The following RAB3GAP2 variants were observed in gnomAD, a reference collection of about 807,000 sequenced individuals.
The protein encoded by RAB3GAP2 is rab3 GTPase-activating protein non-catalytic subunit.
A neutral mutation model predicts 185.3 loss-of-function variants in RAB3GAP2; 87 were observed. The observed-to-expected ratio is 0.47, with a 90% CI of 0.39 to 0.56. The LOEUF (loss-of-function observed/expected upper bound fraction) is 0.56. RAB3GAP2 is among the 20% of genes least tolerant of loss of function. RAB3GAP2 has a pLI of 0.00. For synonymous variants in RAB3GAP2, 554 were observed against 576.1 expected, an observed-to-expected ratio of 0.96 and a Z score of 0.55; for missense variants, 1,492 against 1,638.2, an observed-to-expected ratio of 0.91 and a Z score of 1.54.
chr1:220,163,740 C>CATACATACATATAT (rs1658008538), intron 27 of RAB3GAP2, among the ~76,000 whole-genome samples: 1 of 90,160 alleles, frequency 1.1e-5, no homozygotes. Flanking sequence ...TATATAAATA[C>CATACATACATATAT]ATACATATAT....
chr1:220,267,877 C>G (rs1660256866), intron 1 of RAB3GAP2: 1 of 862,412 alleles, frequency 1.2e-6, no homozygotes, highest in African/African-American at 1.7e-5. Flanking sequence ...GTTTTAGCCT[C>G]AACAGGCCCT....
intron 1 of RAB3GAP2, chr1:220,253,528 C>T (rs1187350962): frequency 2.2e-5 from 27 of 1,237,574 alleles, no homozygotes; most frequent in Middle Eastern, 2.6e-4. Flanking sequence ...GGGCGGTAGT[C>T]GGGGGTGGTG....
chr1:220,254,952 C>CTTTTTTTT (rs59174009), intron 1 of RAB3GAP2, among the ~76,000 whole-genome samples: 1 of 131,524 alleles, frequency 7.6e-6, no homozygotes, highest in African/African-American at 2.7e-5. Context: ...TCCATTTGTG[C>CTTTTTTTT]TTTTTTTTTT....
chr1:220,193,657 C>T (rs1468921357), intron 12 of RAB3GAP2, among the ~76,000 whole-genome samples: 1 of 152,146 alleles, frequency 6.6e-6, no homozygotes, highest in Non-Finnish European at 1.5e-5. Flanking sequence ...GATTAAAAGG[C>T]ATGTCACAGA....
rs1388541354 is a variant in RAB3GAP2, at chr1:220,172,642, A to C, written c.2411T>G (p.Met804Arg). The C allele has an allele frequency of 6.2e-7, 1 of 1,603,952 alleles. No individual in the cohort carries two copies. The highest frequency in any genetic ancestry group is 1.7e-5 in the Admixed American group (1 of 60,000). The change falls in exon 22 of 35, where the codon ATG becomes AGG. Residue 804 changes from methionine (M) to arginine (R), a missense_variant. Transcript: ENST00000358951. ...LHTMLSLLSK[M>R]KVAIDETWDS... ...GAGCAACAAACTTTGTTTACCTTTC[A>C]TCTTGCTCAGGAGGGACAGCATGGT...
intron 1 of RAB3GAP2, chr1:220,266,319 T>C (rs1660225451): frequency 9.8e-6 from 3 of 307,528 alleles, no homozygotes; most frequent in South Asian, 4.2e-5. Flanking sequence ...ACTCAGGTAC[T>C]TGGAAGGTTA....
At chr1:220,272,171 C>T in intron 1 of RAB3GAP2, 52 bp downstream of exon 1, 1 of 1,474,646 alleles carries the variant, frequency 6.8e-7, no homozygotes, top group Admixed American at 1.9e-5. Flanking sequence ...AACCCGTGAG[C>T]AGAGGCCGCG....
chr1:220,217,501 A>G (rs1659221104), intron 2 of RAB3GAP2, among the ~76,000 whole-genome samples: 1 of 151,906 alleles, frequency 6.6e-6, no homozygotes, highest in Non-Finnish European at 1.5e-5. Flanking sequence ...CCTTCTTTCA[A>G]ACTTACTGCA....
intron 31 of RAB3GAP2, 149 bp downstream of exon 31, chr1:220,157,121 G>A (rs979175297): frequency 1.2e-5 from 9 of 739,750 alleles, no homozygotes; most frequent in East Asian, 2.7e-5. Context: ...TAAAAAGAAC[G>A]GAATCAAGCA....
chr1:220,151,863 TG>T, intron 33 of RAB3GAP2, 99 bp from the exon 34 acceptor site: 1 of 1,267,438 alleles, frequency 7.9e-7, no homozygotes, highest in East Asian at 2.3e-5. Flanking sequence ...AGTTGATTTT[TG>T]AACTGTGGCC....
chr1:220,171,183 G>C lies in RAB3GAP2; in HGVS notation c.2578-63C>G, dbSNP rs1397955001. ...TCTGAATCAATATTAACTTGAATGA[G>C]CTTTTAACTTGAAAGCTGATGGATA... On this transcript the variant is annotated intron_variant, in intron 23 of 34. Transcript: ENST00000358951. The C allele has an allele frequency of 4.2e-6, 6 of 1,444,132 alleles. No individual in the cohort carries two copies. In the East Asian group the frequency reaches 1.1e-4, roughly 28 times the overall value. The allele number at this position is 1,444,132 out of a possible 1,614,324, so 89.5% of individuals were successfully genotyped here.
intron 17 of RAB3GAP2, among the ~76,000 whole-genome samples, chr1:220,187,356 C>A (rs983438260): frequency 6.6e-6 from 1 of 152,086 alleles, no homozygotes; most frequent in South Asian, 2.1e-4. Context: ...GTCTTTGACC[C>A]CCCATTTCTG....
At chr1:220,199,418 C>T (rs756877615) in intron 9 of RAB3GAP2, among the ~76,000 whole-genome samples, 28 of 152,158 alleles carry the variant, frequency 1.8e-4, no homozygotes, top group Non-Finnish European at 3.7e-4. Flanking sequence ...TTCATCCTCA[C>T]CATTCTACTG....
intron 2 of RAB3GAP2, 31 bp downstream of exon 2, chr1:220,232,768 A>G (rs756405897): frequency 9.5e-6 from 15 of 1,576,270 alleles, no homozygotes; most frequent in Non-Finnish European, 1.2e-5. Context: ...TGCCACTATC[A>G]AAAAACATGC....
chr1:220,254,366 T>A, intron 1 of RAB3GAP2: 1 of 1,613,342 alleles, frequency 6.2e-7, no homozygotes, highest in South Asian at 1.1e-5. Context: ...CTCCTGAGAT[T>A]ATTTGTACGA....
Position 220,171,959 on chromosome 1 carries a change from G to A in RAB3GAP2, c.2507C>T (p.Ala836Val). Residue 836 changes from alanine (A) to valine (V), a missense_variant, in exon 23 of 35, where the codon GCC becomes GTC. Physicochemically the swap from Ala to Val is moderately conservative, Grantham distance 64 (BLOSUM62 0). This residue lies in a region of RAB3GAP2 where 681 missense variants were observed against 689.1 expected (regional missense o/e 0.99). Transcript: ENST00000358951. The stretch of plus-strand genomic sequence containing the variant: ...CCCAACATGCGCAGACAACAGAGCG[G>A]CTCCATTGTTCTCAGACTGAATACA... ...TACIQSENNG[A>V]ALLSAHVGHS... 6.2e-7 allele frequency: 1 copy of A among 1,614,162 alleles called. No homozygotes were observed. The highest frequency in any genetic ancestry group is 8.5e-7 in the Non-Finnish European group (1 of 1,180,020).
intron 2 of RAB3GAP2, among the ~76,000 whole-genome samples, chr1:220,223,470 T>C (rs937709449): frequency 1.3e-5 from 2 of 152,072 alleles, no homozygotes; most frequent in Non-Finnish European, 2.9e-5. Flanking sequence ...GAAAAACATA[T>C]GAAAGAATGA....
intron 2 of RAB3GAP2, among the ~76,000 whole-genome samples, chr1:220,222,741 C>T (rs1659330827): frequency 6.6e-6 from 1 of 151,974 alleles, no homozygotes. Flanking sequence ...GTTCTTTGTG[C>T]CCATTCATCT....
At chr1:220,254,842 A>G (rs2102526598) in intron 1 of RAB3GAP2, among the ~76,000 whole-genome samples, 1 of 151,570 alleles carries the variant, frequency 6.6e-6, no homozygotes, top group Non-Finnish European at 1.5e-5. Context: ...TATTCCTTTG[A>G]CACTATGCAC....
Sources: gnomAD v4.1 joint callset for allele counts (sites outside exome capture counted in the v4.1 genomes callset) on GRCh38, gnomAD v4.1.1 for gene constraint, gnomAD v4.1.1 regional missense constraint, MANE v1.5 for transcripts, NCBI Gene and HGNC (gene_info 2026-07-23, HGNC 2026-07-21) for gene names.